Variants in AP1S1 observed in about 807,000 individuals in gnomAD.
AP1S1 encodes AP-1 complex subunit sigma-1A.
A neutral mutation model predicts 23.9 loss-of-function variants in AP1S1; 13 were observed. That is an observed-to-expected ratio of 0.54 (90% CI 0.35 to 0.86). The LOEUF is 0.86. Ranked by LOEUF, AP1S1 falls within the 40% of genes least tolerant of loss-of-function variation. The pLI is 0.01. For missense variants in AP1S1, 119 were observed against 197.6 expected (o/e 0.60, Z 2.38); for synonymous variants, 84 against 77.7 (o/e 1.08, Z -0.43).
At chr7:101,159,873 TGGG>T (rs770193324) in intron 4 of AP1S1, among the ~76,000 whole-genome samples, 1 of 150,922 alleles carries the variant, frequency 6.6e-6, no homozygotes, top group Non-Finnish European at 1.5e-5. Flanking sequence ...GGGGGAGAGA[TGGG>T]GGGCGAGGGA....
rs1487588801 is a variant in AP1S1 at position 101,154,752 on chromosome 7, C to T, written c.3+235C>T. 2.1e-3 allele frequency: 317 copies of T among 154,214 alleles called. 2 individuals are homozygous for T. Among genetic ancestry groups the T allele is most frequent in the African/African-American group, 0.011 (303 of 28,080 alleles). The allele number at this position is 154,214 out of a possible 1,614,324, so 9.6% of individuals were successfully genotyped here. A position where few individuals can be genotyped will look rare whatever the true frequency, so the allele number is the denominator to read the frequency against. ...GGGCGAGCGGGGGCTGACGAAGGGG[C>T]GGCGGGGCCGTCCCGAGCCGGGAGG... is the stretch of plus-strand genomic sequence containing the variant. On this transcript the variant is annotated intron_variant, in intron 1 of 4. Transcript: ENST00000337619.
intron 2 of AP1S1, 145 bp downstream of exon 2, chr7:101,156,917 T>A: frequency 1.4e-6 from 1 of 726,210 alleles, no homozygotes; most frequent in Non-Finnish European, 2.0e-6. Context: ...CTTCCTTTTT[T>A]TTTTTTTTTT....
intron 2 of AP1S1, 132 bp downstream of exon 2, chr7:101,156,904 C>T: frequency 1.6e-6 from 1 of 616,756 alleles, no homozygotes; most frequent in Non-Finnish European, 2.4e-6. Flanking sequence ...TAATGAATGT[C>T]AGCTTCCTTT....
chr7:101,159,137 C>T lies in AP1S1; in HGVS notation c.370C>T (p.Gln124Ter). The change falls in exon 4 of 5, where the codon CAG becomes TAG. Residue 124 changes from glutamine to a stop codon, truncating the protein, a stop_gained. Coordinates refer to ENST00000337619, the MANE Select transcript of AP1S1 (RefSeq NM_001283.5). LOFTEE classifies it high-confidence loss of function. ...LDEFLMGGDV[Q>*]DTSKKSVLKA... is the part of the protein sequence containing the mutation. Reference sequence around the variant, plus strand: ...TGAGTTTTTGATGGGGGGGGATGTCCAGGACACCTCCAAGAAGAGTGTGCT... The same window carrying T: ...TGAGTTTTTGATGGGGGGGGATGTCTAGGACACCTCCAAGAAGAGTGTGCT... The T allele has an allele frequency of 1.2e-6, 2 of 1,613,766 alleles. No homozygotes were observed. Among genetic ancestry groups the T allele is most frequent in the Non-Finnish European group, 1.7e-6 (2 of 1,179,810 alleles).
At position 101,157,437 on chromosome 7, in the gene AP1S1, G is replaced by A; in HGVS notation, c.243G>A (p.Leu81=). ...GCCAAGACAATGAGCTCATCACACT[G>A]GAGCTGATCCACCGATACGTGGAGC... ...IEGQDNELIT[L]ELIHRYVELL... The change falls in exon 3 of 5, where the codon CTG becomes CTA. Residue 81 remains leucine, a synonymous_variant. Transcript: ENST00000337619. 1.9e-6 allele frequency: 3 copies of A among 1,580,300 alleles called. No individual in the cohort carries two copies. The highest frequency in any genetic ancestry group is 2.6e-6 in the Non-Finnish European group (3 of 1,162,964).
chr7:101,154,576 G>C, intron 1 of AP1S1, 59 bp downstream of exon 1: 1 of 1,541,868 alleles, frequency 6.5e-7, no homozygotes, highest in Non-Finnish European at 8.7e-7. Flanking sequence ...GCACCTGCGG[G>C]GGTCCTCGGG....
chr7:101,161,124 G>A lies in AP1S1; in HGVS notation c.*558G>A, dbSNP rs1216799011. On this transcript the variant is annotated 3_prime_UTR_variant, in exon 5 of 5. Coordinates refer to ENST00000337619, the MANE Select transcript of AP1S1 (RefSeq NM_001283.5). ...GCCACTTTGAGGGAAGGAAGGGTTG[G>A]GGGAAGGGCAAGCTTTATGGGACCC... is the stretch of plus-strand genomic sequence containing the variant. The A allele has an allele frequency of 6.9e-6, 2 of 290,974 alleles. No individual in the cohort carries two copies. The highest frequency in any genetic ancestry group is 1.3e-5 in the Non-Finnish European group (2 of 150,282). The allele number at this position is 290,974 out of a possible 1,614,324, so 18.0% of individuals were successfully genotyped here.
chr7:101,156,734 C>T lies in AP1S1; in HGVS notation c.144C>T (p.Ser48=), dbSNP rs1796997617. Residue 48 remains serine (S), a synonymous_variant, in exon 2 of 5, where the codon AGC becomes AGT. Coordinates refer to ENST00000337619, the MANE Select transcript of AP1S1 (RefSeq NM_001283.5). ...TGGCTCGAAAGCCCAAGATGTGCAG[C>T]TTCCTGGAGTGGAGGGACCTCAAAG... is the stretch of plus-strand genomic sequence containing the variant. The part of the protein sequence containing the change: ...VVLARKPKMC[S]FLEWRDLKVV... 6.3e-7 allele frequency: 1 copy of T among 1,598,984 alleles called. No homozygotes were observed. Among genetic ancestry groups the T allele is most frequent in the African/African-American group, 1.3e-5 (1 of 74,592 alleles).
rs938424906 is a variant in AP1S1 at position 101,154,997 on chromosome 7, C to T, written c.3+480C>T. On this transcript the variant is annotated intron_variant, in intron 1 of 4. Transcript: ENST00000337619. ...GGAAAAGGGAGCGCCCTACTGCGTT[C>T]GTGGCCGTGCTTGCCTAGAGGCTGG... is the stretch of plus-strand genomic sequence containing the variant. 39 of 995,290 alleles carry T rather than the reference C, an allele frequency of 3.9e-5. 1 individual carries two copies. In the African/African-American group the frequency reaches 5.2e-4, roughly 13 times the overall value. 61.7% of individuals were successfully genotyped at this position (995,290 alleles called of 1,614,324 possible).
intron 4 of AP1S1, 190 bp downstream of exon 4, chr7:101,159,386 G>T: frequency 1.3e-6 from 1 of 770,570 alleles, no homozygotes; most frequent in South Asian, 2.0e-5. Flanking sequence ...GGGAGGTAGG[G>T]TGGCAGATAG....
chr7:101,157,556 C>A, intron 3 of AP1S1, 71 bp downstream of exon 3: 1 of 1,193,918 alleles, frequency 8.4e-7, no homozygotes, highest in South Asian at 1.3e-5. Context: ...CTTTGAGGCC[C>A]CTCCAGTCTC....
At chr7:101,154,633 G>A in intron 1 of AP1S1, 116 bp downstream of exon 1, 2 of 1,395,596 alleles carry the variant, frequency 1.4e-6, no homozygotes, top group African/African-American at 1.5e-5. Flanking sequence ...GGTCCTCAGA[G>A]GCCTCCCTTG....
intron 1 of AP1S1, 188 bp downstream of exon 1, chr7:101,154,705 GC>G: frequency 1.3e-6 from 1 of 793,240 alleles, no homozygotes. Context: ...CGGGAGAGGG[GC>G]GGGGAGGGGG....
intron 4 of AP1S1, among the ~76,000 whole-genome samples, chr7:101,159,962 ACGCACACACACACACCCTGGCG>A (rs1179398921): frequency 1.6e-5 from 1 of 63,906 alleles, no homozygotes; most frequent in African/African-American, 5.2e-5. Context: ...CTTCCCACAC[ACGCACACACACACACCCTGGCG>A]CGCACACACA....
At chr7:101,157,627 C>G (rs184840069) in intron 3 of AP1S1, 142 bp downstream of exon 3, 71 of 683,046 alleles carry the variant, frequency 1.0e-4, no homozygotes, top group Admixed American at 2.9e-4. Context: ...ATTAATTTCC[C>G]TTTTTAAGCT....
intron 3 of AP1S1, among the ~76,000 whole-genome samples, chr7:101,158,024 C>T (rs1797021890): frequency 6.6e-6 from 1 of 152,124 alleles, no homozygotes; most frequent in African/African-American, 2.4e-5. Context: ...CTCTGGGGCT[C>T]AAGTGATCCT....
rs755587797 is a variant in AP1S1 at position 101,159,069 on chromosome 7, T to C, written c.302T>C (p.Leu101Pro). ...TCCCCGCCCTCCCAGGTGTGCGAGC[T>C]GGACATCATCTTCAACTTTGAGAAG... The part of the protein sequence containing the change: ...LDKYFGSVCE[L>P]DIIFNFEKAY... The change falls in exon 4 of 5, where the codon CTG (leucine) becomes CCG (proline). Residue 101 changes from leucine to proline, a missense_variant. Leu to Pro is a moderately conservative substitution (Grantham distance 98, BLOSUM62 -3). Transcript: ENST00000337619. The C allele has an allele frequency of 1.2e-6, 2 of 1,613,710 alleles. No homozygotes were observed. The highest frequency in any genetic ancestry group is 2.2e-5 in the East Asian group (1 of 44,874).
At chr7:101,156,192 A>G (rs1170783910) in intron 1 of AP1S1, among the ~76,000 whole-genome samples, 4 of 152,194 alleles carry the variant, frequency 2.6e-5, no homozygotes, top group African/African-American at 9.7e-5. Context: ...TGATTGCGCC[A>G]CTGCACTCCA....
intron 1 of AP1S1, among the ~76,000 whole-genome samples, chr7:101,155,365 C>G (rs1027002781): frequency 6.6e-6 from 1 of 152,178 alleles, no homozygotes; most frequent in African/African-American, 2.4e-5. Context: ...CCAGACCCCC[C>G]GGAACTGGGA....
Sources: allele counts gnomAD v4.1 joint callset (sites outside exome capture counted in the v4.1 genomes callset), GRCh38; gene constraint gnomAD v4.1.1; transcripts MANE v1.5; gene names NCBI Gene and HGNC (gene_info 2026-07-23, HGNC 2026-07-21).